Variants in NECAB1 observed in about 807,000 individuals in gnomAD.
NECAB1 encodes N-terminal EF-hand calcium-binding protein 1.
Under a neutral mutation model 57.5 loss-of-function variants are expected in NECAB1, and 29 were observed. The observed-to-expected ratio is 0.50, with a 90% CI of 0.38 to 0.69. The LOEUF is 0.69. NECAB1 is among the 30% of genes least tolerant of loss of function. NECAB1 has a pLI of 0.00. For synonymous variants in NECAB1, 142 were observed against 147.7 expected (o/e 0.96, Z 0.28); for missense variants, 372 against 413.8 (o/e 0.90, Z 0.88).
chr8:90,933,183 A>C (rs1810450760), intron 8 of NECAB1, among the ~76,000 whole-genome samples: 1 of 152,222 alleles, frequency 6.6e-6, no homozygotes, highest in African/African-American at 2.4e-5. Flanking sequence ...TCCTTAAAGA[A>C]CTAGAAGTAG....
At chr8:90,878,112 C>T (rs1201146825) in intron 4 of NECAB1, among the ~76,000 whole-genome samples, 1 of 151,998 alleles carries the variant, frequency 6.6e-6, no homozygotes, top group Non-Finnish European at 1.5e-5. Flanking sequence ...TTTCGGCTCA[C>T]TGCAACCTTG....
Position 90,951,103 on chromosome 8 carries a change from ATTTATAC to A in NECAB1, c.939-9_939-3del. On this transcript the variant is annotated splice_polypyrimidine_tract_variant and splice_region_variant and intron_variant, in intron 11 of 12. Coordinates refer to ENST00000417640, the MANE Select transcript of NECAB1 (RefSeq NM_022351.5). ...AAATGCACAGCCTTAACCTATAATTATTTATACAGCCACCTTCAGACAAATTATAGCA... is the reference window on the plus strand; with the variant it reads ...AAATGCACAGCCTTAACCTATAATTAAGCCACCTTCAGACAAATTATAGCA... The A allele has an allele frequency of 6.5e-7, 1 of 1,546,762 alleles. No homozygotes were observed. The highest frequency in any genetic ancestry group is 8.8e-7 in the Non-Finnish European group (1 of 1,130,196).
At chr8:90,869,110 A>C (rs1604917) in intron 3 of NECAB1, among the ~76,000 whole-genome samples, 63,924 of 152,052 alleles carry the variant, frequency 0.42, 15,434 homozygotes, top group East Asian at 0.76. Flanking sequence ...AGCCTTTGCA[A>C]CTTCCACATG....
At chr8:90,911,440 ATATC>A (rs1161429847) in intron 5 of NECAB1, among the ~76,000 whole-genome samples, 2 of 152,142 alleles carry the variant, frequency 1.3e-5, no homozygotes, top group Admixed American at 1.3e-4. Flanking sequence ...CTAATTTACT[ATATC>A]TAATTTACTA....
chr8:90,888,816 G>A (rs1809077418), intron 5 of NECAB1, among the ~76,000 whole-genome samples: 2 of 152,194 alleles, frequency 1.3e-5, no homozygotes, highest in Admixed American at 1.3e-4. Flanking sequence ...ACATCCCTTT[G>A]GAATGATTTA....
chr8:90,931,089 C>T lies in NECAB1; in HGVS notation c.693+2790C>T, dbSNP rs373711538. Among the ~76,000 whole-genome samples, 240 of 151,974 alleles carry T rather than the reference C, an allele frequency of 1.6e-3. 2 individuals carry two copies. The highest frequency in any genetic ancestry group is 0.01 in the Middle Eastern group (3 of 294). On this transcript the variant is annotated intron_variant, in intron 8 of 12. Transcript: ENST00000417640. ...TCTAGACTTTTTTTCTCCCTCCCTT[C>T]CTATAAAAGGGTTTCATTTTGAGGA...
Position 90,849,483 on chromosome 8 carries a change from CT to C in NECAB1, c.234-22627del, listed in dbSNP as rs5893138. The stretch of plus-strand genomic sequence containing the variant: ...AACCCTATCTCAAAAAAGAAAAATG[CT>C]TTTTTTTTTTTTTTTTTCTGTTTTT... On this transcript the variant is annotated intron_variant, in intron 3 of 12. Transcript: ENST00000417640. 5.0e-4 allele frequency among the ~76,000 whole-genome samples: 57 copies of C among 113,428 alleles called. 1 individual carries two copies. The highest frequency in any genetic ancestry group is 4.9e-3 in the Middle Eastern group (1 of 206). 74.4% of individuals were successfully genotyped at this position (113,428 alleles called of 152,430 possible).
In NECAB1 at chr8:90,881,146, T is replaced by C. The variant is rs553826845; in HGVS notation, c.357+16T>C. On this transcript the variant is annotated intron_variant, in intron 5 of 12. Transcript: ENST00000417640. ...AACAAAGAAAGTAAGAAAATGTTAA[T>C]GTTTATTTTCTATAAAAATCTCTTC... 24 of 1,510,632 alleles carry C rather than the reference T, an allele frequency of 1.6e-5. No homozygotes were observed. The highest frequency in any genetic ancestry group is 2.1e-5 in the Non-Finnish European group (23 of 1,110,518). 93.6% of individuals were successfully genotyped at this position (1,510,632 alleles called of 1,614,324 possible).
intron 1 of NECAB1, among the ~76,000 whole-genome samples, chr8:90,795,953 C>G (rs1263883467): frequency 6.6e-6 from 1 of 152,060 alleles, no homozygotes; most frequent in Non-Finnish European, 1.5e-5. Flanking sequence ...ATGTAACAAC[C>G]CTGCACATCC....
chr8:90,838,120 G>A (rs1005190369), intron 3 of NECAB1, among the ~76,000 whole-genome samples: 18 of 152,036 alleles, frequency 1.2e-4, no homozygotes, highest in Admixed American at 1.2e-3. Flanking sequence ...TTGAATGTAC[G>A]AAAAATTATT....
intron 5 of NECAB1, among the ~76,000 whole-genome samples, chr8:90,888,890 T>C (rs974661600): frequency 3.9e-5 from 6 of 152,178 alleles, no homozygotes; most frequent in Admixed American, 1.3e-4. Context: ...TGCAGGGTTA[T>C]TGAATTGACT....
chr8:90,842,010 G>A (rs994515607), intron 3 of NECAB1, among the ~76,000 whole-genome samples: 54 of 152,154 alleles, frequency 3.5e-4, no homozygotes, highest in African/African-American at 1.2e-3. Context: ...ACATGGTGGG[G>A]AACAGCATAC....
chr8:90,831,715 C>T (rs1412506168), intron 3 of NECAB1, among the ~76,000 whole-genome samples: 3 of 152,086 alleles, frequency 2.0e-5, no homozygotes, highest in African/African-American at 7.2e-5. Flanking sequence ...TGATGCCCTT[C>T]TTTTCTCCTA....
At chr8:90,806,225 T>C (rs1811844744) in intron 2 of NECAB1, among the ~76,000 whole-genome samples, 2 of 152,220 alleles carry the variant, frequency 1.3e-5, no homozygotes, top group Admixed American at 1.3e-4. Context: ...GTTTAATCAC[T>C]GTTCCCTCTA....
In NECAB1 at chr8:90,949,802, T is replaced by A; in HGVS notation, c.861-5T>A. 6.4e-7 allele frequency: 1 copy of A among 1,574,798 alleles called. No individual in the cohort carries two copies. Among genetic ancestry groups the A allele is most frequent in the Non-Finnish European group, 8.7e-7 (1 of 1,150,820 alleles). On this transcript the variant is annotated splice_polypyrimidine_tract_variant and splice_region_variant and intron_variant, in intron 10 of 12. Transcript: ENST00000417640. Reference sequence around the variant, plus strand: ...GCTAATTATGCCTTTTATTTTCCATTTCAGTATTTCTATACAGAAGCTTTC... The same window carrying A: ...GCTAATTATGCCTTTTATTTTCCATATCAGTATTTCTATACAGAAGCTTTC...
At chr8:90,879,062 TTATATATAA>T (rs1563514688) in intron 4 of NECAB1, among the ~76,000 whole-genome samples, 1 of 140,300 alleles carries the variant, frequency 7.1e-6, no homozygotes, top group African/African-American at 2.8e-5. Flanking sequence ...AATATATATC[TTATATATAA>T]TATATATTAT....
chr8:90,859,161 C>T (rs993430052), intron 3 of NECAB1: 2 of 152,292 alleles, frequency 1.3e-5, no homozygotes, highest in Non-Finnish European at 2.9e-5. Flanking sequence ...AACAAAAACC[C>T]GCCTCTGGAT....
chr8:90,854,169 C>T (rs140181323), intron 3 of NECAB1, among the ~76,000 whole-genome samples: 1 of 152,088 alleles, frequency 6.6e-6, no homozygotes, highest in Non-Finnish European at 1.5e-5. Flanking sequence ...TTCAAAAAAT[C>T]TTGAACATTA....
chr8:90,836,985 T>G (rs987263865), intron 3 of NECAB1, among the ~76,000 whole-genome samples: 5 of 152,260 alleles, frequency 3.3e-5, no homozygotes, highest in African/African-American at 1.2e-4. Flanking sequence ...AACATTTCTA[T>G]CTCTATGCTT....
Sources: allele counts gnomAD v4.1 joint callset (sites outside exome capture counted in the v4.1 genomes callset), GRCh38; gene constraint gnomAD v4.1.1; transcripts MANE v1.5; gene names NCBI Gene and HGNC (gene_info 2026-07-23, HGNC 2026-07-21).